The following PDCD1LG2 variants were observed in gnomAD, a reference collection of about 807,000 sequenced individuals.
PDCD1LG2 encodes B7 dendritic cell molecule.
Under a neutral mutation model 28.2 loss-of-function variants are expected in PDCD1LG2, and 32 were observed. The ratio of observed to expected loss-of-function variants is 1.13; its 90% CI spans 0.86 to 1.52. The LOEUF is 1.52. PDCD1LG2 is among the 40% of genes most tolerant of loss of function. The pLI, the probability that PDCD1LG2 is intolerant of heterozygous loss-of-function variation, is 0.00. For missense variants in PDCD1LG2, 385 were observed against 323.8 expected (o/e 1.19, Z -1.45); for synonymous variants, 116 against 120.2 (o/e 0.97, Z 0.23).
intron 1 of PDCD1LG2, among the ~76,000 whole-genome samples, chr9:5,515,467 G>A (rs188913533): frequency 6.6e-6 from 1 of 152,352 alleles, no homozygotes; most frequent in African/African-American, 2.4e-5. Context: ...GACAACTGGA[G>A]GGTGAGCAAG....
Position 5,513,897 on chromosome 9 carries a change from T to C in PDCD1LG2, c.-15+3094T>C, listed in dbSNP as rs552287317. ...CCCAAAGGCATTCAAATTCAGATTA[T>C]GTTCAGACATTGCTAATTACAATTA... is the stretch of plus-strand genomic sequence containing the variant. On this transcript the variant is annotated intron_variant, in intron 1 of 6. Transcript: ENST00000397747. Among the ~76,000 whole-genome samples the C allele has an allele frequency of 7.5e-4, 114 of 152,366 alleles. 1 individual carries two copies. In the South Asian group the frequency reaches 0.023, roughly 31 times the overall value.
intron 4 of PDCD1LG2, among the ~76,000 whole-genome samples, chr9:5,553,042 G>A (rs1002623770): frequency 6.6e-6 from 1 of 152,114 alleles, no homozygotes; most frequent in Admixed American, 6.5e-5. Flanking sequence ...AGTAGATTGA[G>A]GTTACAGTGA....
rs570900484 is a variant in PDCD1LG2 at position 5,541,558 on chromosome 9, A to G, written c.361+6508A>G. 7.2e-5 allele frequency among the ~76,000 whole-genome samples: 11 copies of G among 152,058 alleles called. No homozygotes were observed. In the South Asian group the frequency reaches 2.3e-3, roughly 32 times the overall value. On this transcript the variant is annotated intron_variant, in intron 3 of 6. Transcript: ENST00000397747. ...AAATCAGTAGCTCTGCTATACACCA[A>G]CATCAACCAATAGCTGCAAAAATAA...
intron 2 of PDCD1LG2, among the ~76,000 whole-genome samples, chr9:5,532,938 G>A (rs946157074): frequency 6.6e-6 from 1 of 152,152 alleles, no homozygotes; most frequent in Non-Finnish European, 1.5e-5. Context: ...TAGATAAAGA[G>A]GCTGAAGCTC....
intron 6 of PDCD1LG2, among the ~76,000 whole-genome samples, chr9:5,567,265 T>C (rs1332787497): frequency 6.6e-6 from 1 of 152,254 alleles, no homozygotes; most frequent in African/African-American, 2.4e-5. Context: ...GTGATGGATA[T>C]GCTCTAAGGA....
At chr9:5,522,507 C>T (rs1481421773) in intron 1 of PDCD1LG2, 26 bp from the exon 2 acceptor site, 16 of 1,588,384 alleles carry the variant, frequency 1.0e-5, no homozygotes, top group Middle Eastern at 1.7e-4. Flanking sequence ...TCACAAGGCC[C>T]TGAGACTTTC....
chr9:5,544,708 G>A (rs190461552), intron 3 of PDCD1LG2, among the ~76,000 whole-genome samples: 12 of 151,032 alleles, frequency 7.9e-5, no homozygotes, highest in Non-Finnish European at 1.2e-4. Context: ...GCTAGTAGTT[G>A]TTGAGTCAGG....
rs144915738 is a variant in PDCD1LG2 at position 5,512,204 on chromosome 9, G to A, written c.-15+1401G>A. On this transcript the variant is annotated intron_variant, in intron 1 of 6. Coordinates refer to ENST00000397747, the MANE Select transcript of PDCD1LG2 (RefSeq NM_025239.4). Reference sequence around the variant, plus strand: ...GTCATATGTCTTAATTGTTGCATACGTGGGTTACTCTGTAAAGGGGCAACT... The same window carrying A: ...GTCATATGTCTTAATTGTTGCATACATGGGTTACTCTGTAAAGGGGCAACT... Among the ~76,000 whole-genome samples the A allele has an allele frequency of 2.4e-3, 360 of 152,222 alleles. 2 individuals are homozygous for A. Among genetic ancestry groups the A allele is most frequent in the African/African-American group, 7.9e-3 (327 of 41,508 alleles).
At chr9:5,568,250 G>A (rs1246988260) in intron 6 of PDCD1LG2, among the ~76,000 whole-genome samples, 1 of 152,178 alleles carries the variant, frequency 6.6e-6, no homozygotes, top group Non-Finnish European at 1.5e-5. Flanking sequence ...CAACCTCTGG[G>A]CCGCAGACCG....
intron 2 of PDCD1LG2, among the ~76,000 whole-genome samples, chr9:5,533,056 T>C (rs1009283421): frequency 1.3e-5 from 2 of 152,262 alleles, no homozygotes; most frequent in Non-Finnish European, 2.9e-5. Flanking sequence ...TATCACATTT[T>C]ATACTGAAAC....
At chr9:5,514,772 G>GAAAAAAAAAAAAAAAAA (rs60002651) in intron 1 of PDCD1LG2, among the ~76,000 whole-genome samples, 2 of 62,382 alleles carry the variant, frequency 3.2e-5, no homozygotes, top group African/African-American at 5.4e-5. Context: ...AGTCTCTAAA[G>GAAAAAAAAAAAAAAAAA]AAAAAAAAAA....
intron 1 of PDCD1LG2, among the ~76,000 whole-genome samples, chr9:5,521,640 C>T (rs529582018): frequency 6.6e-6 from 1 of 152,228 alleles, no homozygotes; most frequent in African/African-American, 2.4e-5. Context: ...TTAGTTGTCT[C>T]TTAATGATGT....
At chr9:5,535,515 A>C (rs1045377197) in intron 3 of PDCD1LG2, among the ~76,000 whole-genome samples, 1 of 152,222 alleles carries the variant, frequency 6.6e-6, no homozygotes, top group African/African-American at 2.4e-5. Flanking sequence ...CCTTTAAAAA[A>C]TAATGTATAG....
At chr9:5,517,252 G>A (rs894649821) in intron 1 of PDCD1LG2, among the ~76,000 whole-genome samples, 1 of 152,232 alleles carries the variant, frequency 6.6e-6, no homozygotes, top group Non-Finnish European at 1.5e-5. Context: ...CAATGAAAGT[G>A]TCCGGGTAGA....
chr9:5,539,492 G>A (rs1011892670), intron 3 of PDCD1LG2, among the ~76,000 whole-genome samples: 1 of 152,202 alleles, frequency 6.6e-6, no homozygotes, highest in African/African-American at 2.4e-5. Context: ...ATAATGAAAA[G>A]AGTTAATTTC....
chr9:5,521,480 A>C (rs1242813892), intron 1 of PDCD1LG2, among the ~76,000 whole-genome samples: 1 of 152,162 alleles, frequency 6.6e-6, no homozygotes, highest in African/African-American at 2.4e-5. Flanking sequence ...AAAATATATA[A>C]ACTCGCCAAC....
intron 5 of PDCD1LG2, among the ~76,000 whole-genome samples, chr9:5,558,931 C>T (rs942156577): frequency 6.6e-6 from 1 of 152,218 alleles, no homozygotes. Flanking sequence ...TCCAACAGAA[C>T]TTCGACTTTT....
At chr9:5,554,264 C>A (rs565055732) in intron 4 of PDCD1LG2, among the ~76,000 whole-genome samples, 23 of 152,300 alleles carry the variant, frequency 1.5e-4, no homozygotes, top group Admixed American at 1.4e-3. Context: ...GAGATTCCAT[C>A]TTAGATAATC....
chr9:5,532,874 C>T (rs986955287), intron 2 of PDCD1LG2, among the ~76,000 whole-genome samples: 5 of 152,162 alleles, frequency 3.3e-5, no homozygotes, highest in Non-Finnish European at 5.9e-5. Context: ...TCACATGTAA[C>T]ACCTCGTCCA....
Sources: allele counts gnomAD v4.1 joint callset (sites outside exome capture counted in the v4.1 genomes callset), GRCh38; gene constraint gnomAD v4.1.1; transcripts MANE v1.5; gene names NCBI Gene and HGNC (gene_info 2026-07-23, HGNC 2026-07-21).